GPC5: variants seen among roughly 807,000 people sequenced by gnomAD.
GPC5 encodes glypican 5.
GPC5 carries 47 observed loss-of-function variants against 53.9 expected under a neutral mutation model. The ratio of observed to expected loss-of-function variants is 0.87; its 90% confidence interval spans 0.69 to 1.11. The LOEUF (loss-of-function observed/expected upper bound fraction) is 1.11, where lower values mean the gene tolerates loss of function less well. GPC5 is among the 50% of genes most tolerant of loss of function. GPC5 has a pLI of 0.00. For missense variants in GPC5, 748 were observed against 713.1 expected (o/e 1.05, Z -0.56); for synonymous variants, 286 against 263.3 (o/e 1.09, Z -0.84).
chr13:91,455,450 T>G (rs1881476550), intron 2 of GPC5, among the ~76,000 whole-genome samples: 1 of 152,124 alleles, frequency 6.6e-6, no homozygotes. Flanking sequence ...TCTCTGATTA[T>G]TAGGGTGTCT....
At chr13:91,640,705 A>G in intron 2 of GPC5, among the ~76,000 whole-genome samples, 1 of 152,018 alleles carries the variant, frequency 6.6e-6, no homozygotes, top group East Asian at 1.9e-4. Context: ...AGTCTGAGGC[A>G]GGAGAATCGC....
rs553441760 is a variant in GPC5, at chr13:92,320,049, A to G, written c.1561+175060A>G. 2.4e-4 allele frequency among the ~76,000 whole-genome samples: 36 copies of G among 152,242 alleles called. 1 individual carries two copies. Among genetic ancestry groups the G allele is most frequent in the Admixed American group, 1.0e-3 (16 of 15,298 alleles). On this transcript the variant is annotated intron_variant, in intron 7 of 7. Transcript: ENST00000377067. ...CATATTAATAAACAGTTCTACTTCA[A>G]AGTAATTAATGTACCTATTTTTGAA... is the stretch of plus-strand genomic sequence containing the variant.
At chr13:92,336,085 A>C (rs1351205113) in intron 7 of GPC5, among the ~76,000 whole-genome samples, 4 of 152,180 alleles carry the variant, frequency 2.6e-5, no homozygotes, top group Non-Finnish European at 5.9e-5. Context: ...AAAAATGTTC[A>C]TTGGATGTAT....
At chr13:91,632,986 G>T (rs898879099) in intron 2 of GPC5, among the ~76,000 whole-genome samples, 5 of 152,066 alleles carry the variant, frequency 3.3e-5, no homozygotes, top group Non-Finnish European at 4.4e-5. Context: ...GCATACCCTC[G>T]ACTAAACCTG....
chr13:92,175,650 T>A (rs974063384), intron 7 of GPC5, among the ~76,000 whole-genome samples: 2 of 152,132 alleles, frequency 1.3e-5, no homozygotes, highest in Non-Finnish European at 2.9e-5. Context: ...GAAAAGTCAC[T>A]TAAAAAAACT....
intron 7 of GPC5, among the ~76,000 whole-genome samples, chr13:92,680,686 C>A (rs560991108): frequency 6.6e-6 from 1 of 152,182 alleles, no homozygotes; most frequent in Non-Finnish European, 1.5e-5. Context: ...CATTAATAAA[C>A]AACATGACCA....
intron 7 of GPC5, among the ~76,000 whole-genome samples, chr13:92,752,407 T>C (rs1374703388): frequency 3.3e-5 from 5 of 152,154 alleles, no homozygotes; most frequent in African/African-American, 7.2e-5. Context: ...ACAATGGAAA[T>C]AGTAATTGCA....
intron 3 of GPC5, among the ~76,000 whole-genome samples, chr13:91,722,166 A>G (rs2036487920): frequency 6.6e-6 from 1 of 152,234 alleles, no homozygotes; most frequent in Admixed American, 6.5e-5. Flanking sequence ...AAAAAGAGAG[A>G]AAGAGAAAAA....
At chr13:91,855,923 G>T (rs1322666757) in intron 5 of GPC5, among the ~76,000 whole-genome samples, 1 of 151,438 alleles carries the variant, frequency 6.6e-6, no homozygotes, top group Non-Finnish European at 1.5e-5. Flanking sequence ...CCTAAATCAA[G>T]ATACAGAATA....
At chr13:91,577,016 T>C (rs543353577) in intron 2 of GPC5, among the ~76,000 whole-genome samples, 1 of 152,230 alleles carries the variant, frequency 6.6e-6, no homozygotes, top group African/African-American at 2.4e-5. Flanking sequence ...GCATTAGTTC[T>C]GTATTTGACC....
At chr13:92,478,693 G>A (rs1342881745) in intron 7 of GPC5, among the ~76,000 whole-genome samples, 7 of 152,120 alleles carry the variant, frequency 4.6e-5, no homozygotes, top group Admixed American at 4.6e-4. Flanking sequence ...GGGAAAGCTT[G>A]AAAGAAATGC....
chr13:92,387,524 T>A (rs998659578), intron 7 of GPC5, among the ~76,000 whole-genome samples: 1 of 152,074 alleles, frequency 6.6e-6, no homozygotes, highest in African/African-American at 2.4e-5. Context: ...CACAGAGTAG[T>A]TGCTTTCCGA....
Position 92,718,897 on chromosome 13 carries a change from A to C in GPC5, c.1562-147385A>C, listed in dbSNP as rs933087625. On this transcript the variant is annotated intron_variant, in intron 7 of 7. Transcript: ENST00000377067. ...CAGAGTGAGACTCCGTCCCCCCACA[A>C]AAAAAAAAAAAAAAATTGTTAAAAA... 1.3e-4 allele frequency among the ~76,000 whole-genome samples: 11 copies of C among 83,248 alleles called. No individual in the cohort carries two copies. The East Asian group carries it at 3.3e-3, about 25-fold the overall frequency. The allele number at this position is 83,248 out of a possible 152,430, so 54.6% of individuals were successfully genotyped here. A position where few individuals can be genotyped will look rare whatever the true frequency, so the allele number is the denominator to read the frequency against.
At chr13:92,849,539 T>G (rs1259798900) in intron 7 of GPC5, among the ~76,000 whole-genome samples, 1 of 152,148 alleles carries the variant, frequency 6.6e-6, no homozygotes, top group East Asian at 1.9e-4. Context: ...CAGAGGCAAA[T>G]TTTTTCCTGA....
chr13:91,849,685 C>T (rs772460469), intron 5 of GPC5, among the ~76,000 whole-genome samples: 1 of 152,090 alleles, frequency 6.6e-6, no homozygotes, highest in Non-Finnish European at 1.5e-5. Flanking sequence ...ATTTCAGGTA[C>T]CTTCAAATGG....
At chr13:91,538,838 C>T (rs1000152973) in intron 2 of GPC5, among the ~76,000 whole-genome samples, 1 of 147,948 alleles carries the variant, frequency 6.8e-6, no homozygotes, top group African/African-American at 2.5e-5. Context: ...CCGCCCCCCC[C>T]TCAGCCTCCC....
At chr13:92,535,825 CA>C (rs1881706091) in intron 7 of GPC5, among the ~76,000 whole-genome samples, 1 of 151,950 alleles carries the variant, frequency 6.6e-6, no homozygotes, top group African/African-American at 2.4e-5. Context: ...ATGGAAACAA[CA>C]AGGCATGGAT....
chr13:91,946,635 G>A (rs779066877), intron 6 of GPC5, among the ~76,000 whole-genome samples: 7 of 152,078 alleles, frequency 4.6e-5, no homozygotes, highest in African/African-American at 9.7e-5. Flanking sequence ...TGCATGTTAC[G>A]TGACAGCCCC....
intron 7 of GPC5, among the ~76,000 whole-genome samples, chr13:92,461,911 A>G (rs10162144): frequency 1.3e-5 from 2 of 152,206 alleles, no homozygotes; most frequent in Non-Finnish European, 2.9e-5. Context: ...CTGAAAAGTC[A>G]TATTTGGGCA....
Sources: gnomAD v4.1 joint callset for allele counts (sites outside exome capture counted in the v4.1 genomes callset) on GRCh38, gnomAD v4.1.1 for gene constraint, MANE v1.5 for transcripts, NCBI Gene and HGNC (gene_info 2026-07-23, HGNC 2026-07-21) for gene names.